EFNA5: variants seen among roughly 807,000 people sequenced by gnomAD.
EFNA5 encodes the protein ephrin A5, also known as ephrin-A5.
EFNA5 carries 5 observed loss-of-function variants against 22.9 expected under a neutral mutation model. The ratio of observed to expected loss-of-function variants is 0.22; its 90% CI spans 0.11 to 0.46. The LOEUF (loss-of-function observed/expected upper bound fraction) is 0.46, where lower values mean the gene tolerates loss of function less well. Among genes scored for constraint, EFNA5 ranks in the 20% least tolerant of loss-of-function variants. The pLI is 0.99. For missense variants in EFNA5, 237 were observed against 293.3 expected, an observed-to-expected ratio of 0.81 and a Z score of 1.40; for synonymous variants, 113 against 112.2, an observed-to-expected ratio of 1.01 and a Z score of -0.04.
chr5:107,660,934 TGAAATA>T (rs1750942208), intron 1 of EFNA5, among the ~76,000 whole-genome samples: 1 of 152,018 alleles, frequency 6.6e-6, no homozygotes, highest in African/African-American at 2.4e-5. Flanking sequence ...AGAAAACTAC[TGAAATA>T]GGCGTAAAAG....
At position 107,409,761 on chromosome 5, in the gene EFNA5, T is replaced by C. The variant is rs752515145; in HGVS notation, c.418+17456A>G. On this transcript the variant is annotated intron_variant, in intron 2 of 4. Coordinates refer to ENST00000333274, the MANE Select transcript of EFNA5 (RefSeq NM_001962.3). ...CAATAAAGACAGTTAAGGCATGCTA[T>C]GAGTCAGAAGCACAGAGCCTATCAC... Among the ~76,000 whole-genome samples the C allele has an allele frequency of 1.2e-4, 18 of 152,180 alleles. 1 individual carries two copies. The highest frequency in any genetic ancestry group is 7.2e-4 in the Admixed American group (11 of 15,276).
chr5:107,618,249 T>G (rs558481477), intron 1 of EFNA5, among the ~76,000 whole-genome samples: 11 of 152,366 alleles, frequency 7.2e-5, no homozygotes, highest in Middle Eastern at 3.4e-3. Context: ...AGTGCTAATT[T>G]GATAATAAAA....
rs945394967 is a variant in EFNA5, at chr5:107,387,274, C to T, written c.526G>A (p.Asp176Asn). ...KTIGVHDRVF[D>N]VNDKVENSLE... The stretch of plus-strand genomic sequence containing the variant: ...GAATTTTCTACTTTGTCGTTAACAT[C>T]GAAAACACGATCATGAACACCTATA... The change falls in exon 4 of 5, where the codon GAT becomes AAT. Residue 176 changes from aspartate to asparagine, a missense_variant. Around this residue, in one of 3 missense-constraint regions of EFNA5, gnomAD observed 104 missense variants for 114.5 expected, o/e 0.91. Transcript: ENST00000333274. The T allele has an allele frequency of 1.6e-5, 25 of 1,604,626 alleles. No homozygotes were observed. Among genetic ancestry groups the T allele is most frequent in the Admixed American group, 3.4e-5 (2 of 59,686 alleles).
intron 1 of EFNA5, among the ~76,000 whole-genome samples, chr5:107,569,449 GTGTGTGTATATATATTTATATATA>G (rs1748732575): frequency 3.8e-5 from 5 of 132,006 alleles, no homozygotes; most frequent in Non-Finnish European, 7.9e-5. Flanking sequence ...ATTTATATAT[GTGTGTGTATATATATTTATATATA>G]TGTGTATATA....
At chr5:107,487,831 T>C (rs1045230575) in intron 1 of EFNA5, among the ~76,000 whole-genome samples, 2 of 152,224 alleles carry the variant, frequency 1.3e-5, no homozygotes, top group African/African-American at 4.8e-5. Flanking sequence ...ACAGTGTTTG[T>C]ATAACAGGTG....
At chr5:107,463,896 T>A (rs913949749) in intron 1 of EFNA5, among the ~76,000 whole-genome samples, 1 of 152,166 alleles carries the variant, frequency 6.6e-6, no homozygotes, top group African/African-American at 2.4e-5. Context: ...CTCACCGAGC[T>A]GCATCTAAGT....
chr5:107,626,339 C>T (rs1312310835), intron 1 of EFNA5, among the ~76,000 whole-genome samples: 2 of 152,000 alleles, frequency 1.3e-5, no homozygotes, highest in Admixed American at 6.6e-5. Context: ...AGTGAAGTAG[C>T]GCAGCCATAG....
intron 1 of EFNA5, among the ~76,000 whole-genome samples, chr5:107,428,372 C>T (rs969343717): frequency 6.6e-6 from 1 of 152,180 alleles, no homozygotes; most frequent in Admixed American, 6.5e-5. Flanking sequence ...GCCAAAACCA[C>T]GGCTAATTCA....
chr5:107,668,446 A>T (rs1416802204), intron 1 of EFNA5, among the ~76,000 whole-genome samples: 1 of 152,178 alleles, frequency 6.6e-6, no homozygotes, highest in Admixed American at 6.5e-5. Flanking sequence ...CTAAGATAAA[A>T]TGTCCTCAAA....
chr5:107,669,843 A>G (rs1291159532), intron 1 of EFNA5, among the ~76,000 whole-genome samples: 1 of 151,854 alleles, frequency 6.6e-6, no homozygotes, highest in East Asian at 1.9e-4. Context: ...GGAGGGATGG[A>G]GAAGATGGGA....
intron 1 of EFNA5, among the ~76,000 whole-genome samples, chr5:107,473,659 A>ATTTT (rs564376165): frequency 7.1e-6 from 1 of 140,916 alleles, no homozygotes; most frequent in African/African-American, 2.6e-5. Flanking sequence ...TTTCACTTGA[A>ATTTT]TTTTTTTTTT....
intron 1 of EFNA5, among the ~76,000 whole-genome samples, chr5:107,457,299 G>A (rs538017985): frequency 6.6e-6 from 1 of 152,058 alleles, no homozygotes; most frequent in Admixed American, 6.6e-5. Context: ...GAGGTGGTAG[G>A]AATAGTCTCT....
At chr5:107,397,719 T>C (rs1360820338) in intron 2 of EFNA5, among the ~76,000 whole-genome samples, 3 of 152,190 alleles carry the variant, frequency 2.0e-5, no homozygotes, top group Non-Finnish European at 2.9e-5. Context: ...GCTCTCCAAA[T>C]GGAATCCTAG....
chr5:107,476,176 C>T (rs1014231776), intron 1 of EFNA5, among the ~76,000 whole-genome samples: 9 of 149,186 alleles, frequency 6.0e-5, no homozygotes, highest in East Asian at 2.0e-4. Flanking sequence ...CTCAGCCTCC[C>T]GAGTAGCTGG....
At chr5:107,553,186 T>C (rs1435275889) in intron 1 of EFNA5, among the ~76,000 whole-genome samples, 1 of 152,122 alleles carries the variant, frequency 6.6e-6, no homozygotes, top group Non-Finnish European at 1.5e-5. Context: ...AAATATTTAC[T>C]TGGGTTTCCC....
At chr5:107,440,241 T>A (rs1423803600) in intron 1 of EFNA5, among the ~76,000 whole-genome samples, 1 of 152,214 alleles carries the variant, frequency 6.6e-6, no homozygotes, top group Non-Finnish European at 1.5e-5. Context: ...ACCATTTATT[T>A]CTCAGAAATA....
At chr5:107,528,298 A>G (rs2112449674) in intron 1 of EFNA5, among the ~76,000 whole-genome samples, 1 of 152,338 alleles carries the variant, frequency 6.6e-6, no homozygotes, top group East Asian at 1.9e-4. Context: ...CTGATGGGAC[A>G]CTCATTATAA....
chr5:107,446,364 C>T (rs1341450367), intron 1 of EFNA5, among the ~76,000 whole-genome samples: 1 of 152,038 alleles, frequency 6.6e-6, no homozygotes, highest in East Asian at 1.9e-4. Flanking sequence ...TCTCAAAGAT[C>T]CTGCAAAATA....
At chr5:107,492,700 G>A (rs1157218887) in intron 1 of EFNA5, among the ~76,000 whole-genome samples, 1 of 152,014 alleles carries the variant, frequency 6.6e-6, no homozygotes, top group Non-Finnish European at 1.5e-5. Flanking sequence ...ATTTCACTCT[G>A]AAAGAAAATC....
Sources: gnomAD v4.1 joint callset for allele counts (sites outside exome capture counted in the v4.1 genomes callset) on GRCh38, gnomAD v4.1.1 for gene constraint, gnomAD v4.1.1 regional missense constraint, MANE v1.5 for transcripts, NCBI Gene and HGNC (gene_info 2026-07-23, HGNC 2026-07-21) for gene names.